Variants in PIGG observed in about 807,000 individuals in gnomAD.
PIGG encodes the protein phosphatidylinositol glycan anchor biosynthesis class G (EMM blood group), also known as GPI ethanolamine phosphate transferase 2, catalytic subunit.
Under a neutral mutation model 83.2 loss-of-function variants are expected in PIGG, and 70 were observed. That is an observed-to-expected ratio of 0.84 (90% CI 0.69 to 1.03). PIGG has a LOEUF of 1.03. PIGG is among the 50% of genes least tolerant of loss of function. The probability of loss-of-function intolerance (pLI) is 0.00; values close to 1 mark genes in which losing one functional copy is unlikely to be tolerated. For synonymous variants in PIGG, 532 were observed against 519.5 expected, an observed-to-expected ratio of 1.02 and a Z score of -0.33; for missense variants, 1,257 against 1,233.6, an observed-to-expected ratio of 1.02 and a Z score of -0.28.
At chr4:522,447 G>C (rs1229556457) in intron 8 of PIGG, 10 of 207,266 alleles carry the variant, frequency 4.8e-5, no homozygotes, top group Non-Finnish European at 7.9e-5. Flanking sequence ...TTTTCTGTTG[G>C]AATTCTTAGT....
chr4:523,903 T>C lies in PIGG; in HGVS notation c.2059T>C (p.Trp687Arg), dbSNP rs566226008. The C allele has an allele frequency of 3.3e-5, 51 of 1,526,904 alleles. 1 individual carries two copies. In the African/African-American group the frequency reaches 5.1e-4, roughly 15 times the overall value. 94.6% of individuals were successfully genotyped at this position (1,526,904 alleles called of 1,614,324 possible). A position where few individuals can be genotyped will look rare whatever the true frequency, so the allele number is the denominator to read the frequency against. ...QWAHRPDLGH[W>R]LTSSDHKAEL... Reference sequence around the variant, plus strand: ...GGCTCACCGGCCTGACCTCGGCCACTGGCTCACCAGGTGAGAGCGTAGGCC... The same window carrying C: ...GGCTCACCGGCCTGACCTCGGCCACCGGCTCACCAGGTGAGAGCGTAGGCC... Residue 687 changes from tryptophan (W) to arginine (R), a missense_variant, in exon 9 of 13, where the codon TGG becomes CGG. Trp to Arg is a moderately radical substitution (Grantham distance 101). Transcript: ENST00000453061.
intron 11 of PIGG, chr4:533,169 C>G (rs538490409): frequency 6.5e-6 from 1 of 153,336 alleles, no homozygotes; most frequent in Admixed American, 6.5e-5. Flanking sequence ...CCTACCAGGG[C>G]TGGGCCGGGA....
Position 501,069 on chromosome 4 carries a change from A to G in PIGG, c.360+468A>G, listed in dbSNP as rs1486210964. Reference sequence around the variant, plus strand: ...ATCAAATCAGTATGTTCCGGCCTCAACAATTACCACTGTTTCCACCATATC... The same window carrying G: ...ATCAAATCAGTATGTTCCGGCCTCAGCAATTACCACTGTTTCCACCATATC... On this transcript the variant is annotated intron_variant, in intron 2 of 12. Coordinates refer to ENST00000453061, the MANE Select transcript of PIGG (RefSeq NM_001127178.3). 3 of 454,912 alleles carry G rather than the reference A, an allele frequency of 6.6e-6. No individual in the cohort carries two copies. The Admixed American group carries it at 7.1e-5, about 11-fold the overall frequency. The allele number at this position is 454,912 out of a possible 1,614,324, so 28.2% of individuals were successfully genotyped here. A position where few individuals can be genotyped will look rare whatever the true frequency, so the allele number is the denominator to read the frequency against.
intron 10 of PIGG, among the ~76,000 whole-genome samples, chr4:529,836 G>A (rs150407133): frequency 2.6e-5 from 4 of 152,330 alleles, no homozygotes. Flanking sequence ...GCCCGAGTAG[G>A]AGAGCTAGTG....
chr4:512,113 G>T (rs1266550291), intron 5 of PIGG, among the ~76,000 whole-genome samples: 2 of 151,736 alleles, frequency 1.3e-5, no homozygotes, highest in Non-Finnish European at 1.5e-5. Flanking sequence ...TGTTTAAATT[G>T]CATAATCTCT....
At chr4:533,391 GGC>G (rs1729554411) in intron 11 of PIGG, 1 of 171,922 alleles carries the variant, frequency 5.8e-6, no homozygotes, top group African/African-American at 2.4e-5. Flanking sequence ...CTCCCCGCTT[GGC>G]TGGGCCCAGC....
intron 12 of PIGG, among the ~76,000 whole-genome samples, chr4:535,941 G>T (rs963261273): frequency 2.6e-5 from 4 of 152,186 alleles, no homozygotes; most frequent in Non-Finnish European, 5.9e-5. Flanking sequence ...TTCCGCAGAG[G>T]TGTCCTCGGG....
At chr4:535,590 C>T (rs1179074474) in intron 12 of PIGG, among the ~76,000 whole-genome samples, 1 of 152,148 alleles carries the variant, frequency 6.6e-6, no homozygotes, top group Admixed American at 6.5e-5. Flanking sequence ...CGCGCTGTGG[C>T]CTCTCCGCTG....
At chr4:517,019 G>T (rs1484226814) in intron 6 of PIGG, among the ~76,000 whole-genome samples, 1 of 152,158 alleles carries the variant, frequency 6.6e-6, no homozygotes, top group Non-Finnish European at 1.5e-5. Flanking sequence ...ACATTCAGGG[G>T]ATGGTCAGAG....
chr4:523,414 T>A (rs1726605290), intron 8 of PIGG, 45 bp from the exon 9 acceptor site: 1 of 1,350,934 alleles, frequency 7.4e-7, no homozygotes, highest in Non-Finnish European at 1.0e-6. Flanking sequence ...AAGATGTGTG[T>A]CGTTATCAGA....
At chr4:530,951 A>G in intron 11 of PIGG, 1 of 552,008 alleles carries the variant, frequency 1.8e-6, no homozygotes, top group East Asian at 2.9e-5. Context: ...TGGGTGCTTA[A>G]GACAGCAGAC....
Position 515,837 on chromosome 4 carries a change from C to T in PIGG, c.902-136C>T. 3 of 697,096 alleles carry T rather than the reference C, an allele frequency of 4.3e-6. No individual in the cohort carries two copies. The highest frequency in any genetic ancestry group is 5.1e-6 in the Non-Finnish European group (2 of 395,418). 43.2% of individuals were successfully genotyped at this position (697,096 alleles called of 1,614,324 possible). On this transcript the variant is annotated intron_variant, in intron 5 of 12. Coordinates refer to ENST00000453061, the MANE Select transcript of PIGG (RefSeq NM_001127178.3). This position sits in a 1 kb window ranked among gnomAD's most constrained non-coding sequence, Gnocchi z 4.2. Reference sequence around the variant, plus strand: ...ACACAGCAAGCACAGGAGGTGATTCCTGTACGATTCTGTGTTGAGTGGTGT... The same window carrying T: ...ACACAGCAAGCACAGGAGGTGATTCTTGTACGATTCTGTGTTGAGTGGTGT...
chr4:533,580 C>T (rs1022584701), intron 11 of PIGG: 17 of 557,350 alleles, frequency 3.1e-5, no homozygotes, highest in African/African-American at 1.9e-4. Flanking sequence ...GGTCCGCTCA[C>T]GTGCCCTTCC....
intron 12 of PIGG, among the ~76,000 whole-genome samples, chr4:535,565 G>A (rs979471472): frequency 2.6e-5 from 4 of 152,102 alleles, no homozygotes; most frequent in Non-Finnish European, 4.4e-5. Context: ...CAGTCCTGCC[G>A]GGAGCCCCAG....
At chr4:522,245 G>GC (rs912443407) in intron 8 of PIGG, 27 of 581,972 alleles carry the variant, frequency 4.6e-5, no homozygotes, top group Non-Finnish European at 6.7e-5. Flanking sequence ...AGAGGAACAA[G>GC]CCCCCCCGCT....
At chr4:538,720 AG>A (rs567645120) in intron 12 of PIGG, among the ~76,000 whole-genome samples, 3 of 152,204 alleles carry the variant, frequency 2.0e-5, no homozygotes, top group Admixed American at 6.5e-5. Flanking sequence ...AGATTTCTGT[AG>A]GGGGGGCTCC....
intron 2 of PIGG, among the ~76,000 whole-genome samples, chr4:504,264 C>G (rs1405282855): frequency 1.3e-5 from 2 of 152,164 alleles, no homozygotes; most frequent in Non-Finnish European, 2.9e-5. Flanking sequence ...CTCCGCATAG[C>G]TTAGTGGTCA....
At chr4:518,550 G>A (rs534744560) in intron 6 of PIGG, among the ~76,000 whole-genome samples, 8 of 152,280 alleles carry the variant, frequency 5.3e-5, no homozygotes, top group South Asian at 4.1e-4. Context: ...CCGAGATGGC[G>A]ACACTGCACT....
rs1443233470 is a variant in PIGG, at chr4:539,310, A to T, written c.2893A>T (p.Thr965Ser). The T allele has an allele frequency of 6.2e-7, 1 of 1,613,726 alleles. No individual in the cohort carries two copies. The highest frequency in any genetic ancestry group is 2.2e-5 in the East Asian group (1 of 44,884). ...LLYEGMHLLI[T>S]AAVCVFFTAM... Reference sequence around the variant, plus strand: ...CTACGAGGGAATGCACCTGCTCATTACAGCTGCTGTCTGTGTATTCTTCAC... The same window carrying T: ...CTACGAGGGAATGCACCTGCTCATTTCAGCTGCTGTCTGTGTATTCTTCAC... The change falls in exon 13 of 13, where the codon ACA becomes TCA. Residue 965 changes from threonine (T) to serine (S), a missense_variant. Physicochemically the swap from Thr to Ser is moderately conservative, Grantham distance 58 (BLOSUM62 1). Coordinates refer to ENST00000453061, the MANE Select transcript of PIGG (RefSeq NM_001127178.3).
Sources: allele counts gnomAD v4.1 joint callset (sites outside exome capture counted in the v4.1 genomes callset), GRCh38; gene constraint gnomAD v4.1.1; non-coding constraint Gnocchi (gnomAD v3.1); transcripts MANE v1.5; gene names NCBI Gene and HGNC (gene_info 2026-07-23, HGNC 2026-07-21).